The following REEP1 variants were observed in gnomAD, a reference collection of about 807,000 sequenced individuals.
REEP1 encodes receptor expression-enhancing protein 1.
In REEP1, 22 loss-of-function variants were observed where a neutral mutation model predicts 40.3. The observed-to-expected ratio is 0.55, with a 90% CI of 0.39 to 0.78. The LOEUF (loss-of-function observed/expected upper bound fraction) is 0.78, where lower values mean the gene tolerates loss of function less well. REEP1 is among the 30% of genes least tolerant of loss of function. REEP1 has a pLI of 0.00. For synonymous variants in REEP1, 116 were observed against 139.2 expected, an observed-to-expected ratio of 0.83 and a Z score of 1.17; for missense variants, 280 against 361.1, an observed-to-expected ratio of 0.78 and a Z score of 1.82.
intron 6 of REEP1, among the ~76,000 whole-genome samples, chr2:86,228,248 G>C (rs561723211): frequency 1.2e-4 from 18 of 152,280 alleles, no homozygotes; most frequent in African/African-American, 4.3e-4. Context: ...ATGTTGGGTA[G>C]GCATTTACAG....
chr2:86,254,582 G>C, intron 4 of REEP1, 112 bp downstream of exon 4: 1 of 1,155,264 alleles, frequency 8.7e-7, no homozygotes, highest in African/African-American at 1.5e-5. Flanking sequence ...TGACTTGCTG[G>C]AGGCAAATGA....
At chr2:86,331,364 G>A (rs756995451) in intron 1 of REEP1, among the ~76,000 whole-genome samples, 5 of 152,268 alleles carry the variant, frequency 3.3e-5, no homozygotes, top group East Asian at 1.9e-4. Context: ...AGTGAAGGGA[G>A]GCAGGATGCA....
intron 1 of REEP1, among the ~76,000 whole-genome samples, chr2:86,322,854 G>A (rs1680334422): frequency 6.6e-6 from 1 of 152,050 alleles, no homozygotes; most frequent in Non-Finnish European, 1.5e-5. Flanking sequence ...TCAGGAGTCT[G>A]AGGCTGCAGT....
chr2:86,231,420 G>A (rs1675009487), intron 6 of REEP1, among the ~76,000 whole-genome samples: 1 of 152,328 alleles, frequency 6.6e-6, no homozygotes, highest in South Asian at 2.1e-4. Flanking sequence ...GAAATGGACG[G>A]AGCCCTGAGC....
intron 6 of REEP1, 142 bp downstream of exon 6, chr2:86,232,483 C>A: frequency 9.5e-7 from 1 of 1,048,086 alleles, no homozygotes; most frequent in South Asian, 1.4e-5. Context: ...CCTTGGCTGA[C>A]CTGGCATGAT....
At chr2:86,335,817 C>T (rs190023506) in intron 1 of REEP1, among the ~76,000 whole-genome samples, 1 of 143,726 alleles carries the variant, frequency 7.0e-6, no homozygotes, top group East Asian at 2.1e-4. Flanking sequence ...CCACTGCACT[C>T]TCCAGCCTGG....
At chr2:86,240,918 T>C (rs1211105620) in intron 5 of REEP1, among the ~76,000 whole-genome samples, 1 of 152,272 alleles carries the variant, frequency 6.6e-6, no homozygotes, top group African/African-American at 2.4e-5. Context: ...AGAACAAGCA[T>C]TAACTGGTGA....
chr2:86,309,184 G>T (rs1202836723), intron 1 of REEP1, among the ~76,000 whole-genome samples: 1 of 152,148 alleles, frequency 6.6e-6, no homozygotes, highest in African/African-American at 2.4e-5. Flanking sequence ...CCCTGGGTGA[G>T]CTCCCTGCCA....
At chr2:86,313,292 TTTC>T (rs1679847603) in intron 1 of REEP1, among the ~76,000 whole-genome samples, 1 of 150,136 alleles carries the variant, frequency 6.7e-6, no homozygotes, top group South Asian at 2.1e-4. Context: ...TGGTTTTTCT[TTTC>T]TTTTCTTTTT....
At position 86,337,002 on chromosome 2, in the gene REEP1, C is replaced by G. The variant is rs540648049; in HGVS notation, c.32+477G>C. The G allele has an allele frequency of 6.6e-6, 1 of 152,444 alleles. No homozygotes were observed. Among genetic ancestry groups the G allele is most frequent in the African/African-American group, 2.4e-5 (1 of 41,490 alleles). 9.4% of individuals were successfully genotyped at this position (152,444 alleles called of 1,614,324 possible). A position where few individuals can be genotyped will look rare whatever the true frequency, so the allele number is the denominator to read the frequency against. ...CCCGCCTCTGCCTCTCCACCCGTTC[C>G]GCGCTGACCCTCCAGGCAGCGCCCC... On this transcript the variant is annotated intron_variant, in intron 1 of 8. Coordinates refer to ENST00000538924, the MANE Select transcript of REEP1 (RefSeq NM_001371279.1). The surrounding 1 kb of genome is among the most constrained non-coding windows in gnomAD (Gnocchi z 5.8).
chr2:86,241,357 C>T (rs900015343), intron 5 of REEP1, among the ~76,000 whole-genome samples: 10 of 152,228 alleles, frequency 6.6e-5, no homozygotes, highest in African/African-American at 2.4e-4. Context: ...CGCACGTGAT[C>T]GAGCTTTACA....
intron 1 of REEP1, among the ~76,000 whole-genome samples, chr2:86,324,834 G>A (rs1026146634): frequency 6.6e-6 from 1 of 152,140 alleles, no homozygotes. Flanking sequence ...TCACTGCAGC[G>A]CTCTTTCTGA....
At chr2:86,302,201 G>A (rs554384085) in intron 1 of REEP1, among the ~76,000 whole-genome samples, 326 of 152,314 alleles carry the variant, frequency 2.1e-3, no homozygotes, top group South Asian at 6.6e-3. Flanking sequence ...CCTGGAAAAG[G>A]ACAGGGAGGC....
intron 6 of REEP1, among the ~76,000 whole-genome samples, chr2:86,231,238 G>A (rs146395359): frequency 6.6e-6 from 1 of 152,190 alleles, no homozygotes; most frequent in Non-Finnish European, 1.5e-5. Context: ...TTCCTGGGGG[G>A]GGGTCCCTCG....
chr2:86,227,995 A>T (rs1674807371), intron 6 of REEP1, among the ~76,000 whole-genome samples: 1 of 152,174 alleles, frequency 6.6e-6, no homozygotes, highest in South Asian at 2.1e-4. Context: ...AGCATATGGT[A>T]TCTGACTACA....
At chr2:86,312,451 G>A (rs1463558374) in intron 1 of REEP1, among the ~76,000 whole-genome samples, 1 of 152,204 alleles carries the variant, frequency 6.6e-6, no homozygotes, top group Non-Finnish European at 1.5e-5. Flanking sequence ...ATCCATTCAT[G>A]GAGATGGGGC....
chr2:86,320,857 T>C (rs567646870), intron 1 of REEP1, among the ~76,000 whole-genome samples: 1 of 152,366 alleles, frequency 6.6e-6, no homozygotes, highest in East Asian at 1.9e-4. Flanking sequence ...TCACTCTTGT[T>C]GCCCAGGCTG....
intron 8 of REEP1, among the ~76,000 whole-genome samples, chr2:86,217,777 C>T (rs562826901): frequency 3.4e-5 from 5 of 149,182 alleles, no homozygotes; most frequent in South Asian, 2.1e-4. Context: ...GACCTTTGTG[C>T]GTCTTGTCCA....
chr2:86,236,295 CCTATT>C (rs1167619871), intron 5 of REEP1, among the ~76,000 whole-genome samples: 4 of 152,038 alleles, frequency 2.6e-5, no homozygotes, highest in African/African-American at 9.7e-5. Context: ...AAATCTCATT[CCTATT>C]CACTTTCCAC....
Sources: gnomAD v4.1 joint callset for allele counts (sites outside exome capture counted in the v4.1 genomes callset) on GRCh38, gnomAD v4.1.1 for gene constraint, Gnocchi (gnomAD v3.1) non-coding constraint, MANE v1.5 for transcripts, NCBI Gene and HGNC (gene_info 2026-07-23, HGNC 2026-07-21) for gene names.